CERS6: variants seen among roughly 807,000 people sequenced by gnomAD.
The protein encoded by CERS6 is ceramide synthase 6.
In CERS6, 26 loss-of-function variants were observed where a neutral mutation model predicts 56.8. The ratio of observed to expected loss-of-function variants is 0.46; its 90% CI spans 0.34 to 0.63. The LOEUF is 0.63. Ranked by LOEUF, CERS6 falls within the 30% of genes least tolerant of loss-of-function variation. The probability of loss-of-function intolerance (pLI) is 0.01; values close to 1 mark genes in which losing one functional copy is unlikely to be tolerated. For synonymous variants in CERS6, 164 were observed against 173.3 expected (o/e 0.95, Z 0.42); for missense variants, 415 against 467.5 (o/e 0.89, Z 1.04).
intron 1 of CERS6, among the ~76,000 whole-genome samples, chr2:168,518,306 A>G (rs1438224762): frequency 3.3e-5 from 5 of 152,224 alleles, no homozygotes; most frequent in Non-Finnish European, 1.5e-5. Context: ...CTCTCTTAAC[A>G]GTAGCATAGG....
Position 168,657,223 on chromosome 2 carries a change from T to C in CERS6, c.465+26181T>C, listed in dbSNP as rs539023527. On this transcript the variant is annotated intron_variant, in intron 4 of 9. Transcript: ENST00000305747. ...CTGAGCTAGATATAAAGACTCTCCATGTCCTCACCAGAGCAGCTAATACAG... is the reference window on the plus strand; with the variant it reads ...CTGAGCTAGATATAAAGACTCTCCACGTCCTCACCAGAGCAGCTAATACAG... 5.7e-4 allele frequency among the ~76,000 whole-genome samples: 86 copies of C among 150,052 alleles called. No homozygotes were observed. In the East Asian group the frequency reaches 0.012, roughly 21 times the overall value.
chr2:168,552,891 A>G lies in CERS6; in HGVS notation c.276+5190A>G, dbSNP rs540676461. Among the ~76,000 whole-genome samples the G allele has an allele frequency of 2.4e-4, 37 of 152,206 alleles. 1 individual carries two copies. The highest frequency in any genetic ancestry group is 5.1e-4 in the Non-Finnish European group (35 of 68,032). ...GAAAGTATAGCAACTCCTGTTAACA[A>G]AATTTTCACTAGAATAATGAGGCTA... On this transcript the variant is annotated intron_variant, in intron 2 of 9. Coordinates refer to ENST00000305747, the MANE Select transcript of CERS6 (RefSeq NM_203463.3).
rs990571213 is a variant in CERS6, at chr2:168,525,567, G to T, written c.171-22029G>T. On this transcript the variant is annotated intron_variant, in intron 1 of 9. Coordinates refer to ENST00000305747, the MANE Select transcript of CERS6 (RefSeq NM_203463.3). ...TAATGGGGTAAATAATCCCTTGTCA[G>T]TGATGACGAGGCTTGAGGAAATTTA... Among the ~76,000 whole-genome samples, 2 of 152,242 alleles carry T rather than the reference G, an allele frequency of 1.3e-5. 1 individual carries two copies. Among genetic ancestry groups the T allele is most frequent in the Non-Finnish European group, 2.9e-5 (2 of 68,046 alleles).
chr2:168,721,553 T>TG (rs1553512945), intron 8 of CERS6, among the ~76,000 whole-genome samples: 2 of 116,728 alleles, frequency 1.7e-5, no homozygotes, highest in East Asian at 3.2e-4. Flanking sequence ...TTTTTGTTTT[T>TG]GTTTTTTTTT....
At chr2:168,695,860 C>T (rs972704214) in intron 6 of CERS6, among the ~76,000 whole-genome samples, 7 of 152,120 alleles carry the variant, frequency 4.6e-5, no homozygotes, top group African/African-American at 1.7e-4. Context: ...GTCCATACTT[C>T]CACATCTGTA....
At chr2:168,583,389 A>G (rs920796158) in intron 3 of CERS6, among the ~76,000 whole-genome samples, 1 of 152,136 alleles carries the variant, frequency 6.6e-6, no homozygotes, top group African/African-American at 2.4e-5. Flanking sequence ...AAACAGCCCC[A>G]CTCTGATTTG....
At chr2:168,554,333 A>G (rs1027313370) in intron 2 of CERS6, among the ~76,000 whole-genome samples, 36 of 152,220 alleles carry the variant, frequency 2.4e-4, no homozygotes, top group Admixed American at 6.5e-5. Flanking sequence ...TTCTTCCCCA[A>G]AATGTATACA....
chr2:168,568,943 C>T (rs1162738996), intron 3 of CERS6, among the ~76,000 whole-genome samples: 1 of 152,290 alleles, frequency 6.6e-6, no homozygotes, highest in South Asian at 2.1e-4. Context: ...AAAACAGGAG[C>T]AGTTTTATAC....
At chr2:168,689,204 A>G (rs572965287) in intron 4 of CERS6, among the ~76,000 whole-genome samples, 1 of 152,322 alleles carries the variant, frequency 6.6e-6, no homozygotes, top group African/African-American at 2.4e-5. Flanking sequence ...GTCTATGGTG[A>G]GAGGATAAAC....
chr2:168,571,776 G>A (rs1045943479), intron 3 of CERS6, among the ~76,000 whole-genome samples: 2 of 151,950 alleles, frequency 1.3e-5, no homozygotes, highest in African/African-American at 4.8e-5. Context: ...AGAGTAAATG[G>A]GGTATCCATC....
At chr2:168,654,827 T>C (rs1685430243) in intron 4 of CERS6, among the ~76,000 whole-genome samples, 1 of 152,210 alleles carries the variant, frequency 6.6e-6, no homozygotes, top group Admixed American at 6.5e-5. Flanking sequence ...CAAGGCAATA[T>C]AGTCTTATTG....
At chr2:168,540,254 G>A (rs1695343139) in intron 1 of CERS6, among the ~76,000 whole-genome samples, 1 of 151,772 alleles carries the variant, frequency 6.6e-6, no homozygotes, top group Non-Finnish European at 1.5e-5. Context: ...ATACAATAGT[G>A]GTCCTATAAG....
At chr2:168,649,433 G>A (rs767578348) in intron 4 of CERS6, among the ~76,000 whole-genome samples, 4 of 152,038 alleles carry the variant, frequency 2.6e-5, no homozygotes, top group Admixed American at 6.6e-5. Flanking sequence ...ATTGTATTAC[G>A]TCTTAATGTG....
intron 8 of CERS6, among the ~76,000 whole-genome samples, chr2:168,721,559 TTTTTTTG>T (rs879271919): frequency 0.49 from 66,763 of 135,250 alleles, 13,821 homozygotes; most frequent in Non-Finnish European, 0.53. Context: ...TTTTTGTTTT[TTTTTTTG>T]TTTAAAAAAA....
At chr2:168,583,786 A>G (rs536031856) in intron 3 of CERS6, among the ~76,000 whole-genome samples, 2 of 152,326 alleles carry the variant, frequency 1.3e-5, no homozygotes, top group African/African-American at 2.4e-5. Flanking sequence ...TTTGTCATCC[A>G]TGGATATGGA....
At chr2:168,501,397 G>C (rs1694577865) in intron 1 of CERS6, among the ~76,000 whole-genome samples, 1 of 152,218 alleles carries the variant, frequency 6.6e-6, no homozygotes, top group Admixed American at 6.5e-5. Context: ...ATAGGTTGGA[G>C]GTCGTGATGC....
At position 168,763,784 on chromosome 2, in the gene CERS6, C is replaced by T. The variant is rs1379162926; in HGVS notation, c.846-1808C>T. 7.2e-5 allele frequency among the ~76,000 whole-genome samples: 11 copies of T among 152,286 alleles called. No individual in the cohort carries two copies. In the East Asian group the frequency reaches 1.9e-3, roughly 27 times the overall value. Reference sequence around the variant, plus strand: ...CCCAGCAAAGTGCTGCAGTGGCAGGCGGTAGAAATGCACTTAGGTGAGTTT... The same window carrying T: ...CCCAGCAAAGTGCTGCAGTGGCAGGTGGTAGAAATGCACTTAGGTGAGTTT... On this transcript the variant is annotated intron_variant, in intron 8 of 9. Coordinates refer to ENST00000305747, the MANE Select transcript of CERS6 (RefSeq NM_203463.3).
Position 168,721,646 on chromosome 2 carries a change from T to C in CERS6, c.845+3668T>C, listed in dbSNP as rs149394067. On this transcript the variant is annotated intron_variant, in intron 8 of 9. Transcript: ENST00000305747. The stretch of plus-strand genomic sequence containing the variant: ...AAAAAAAAAAAAAAAACCAACGGGG[T>C]CTTGCTCTGTTGGCCAGGCTGGGCT... 1.3e-3 allele frequency among the ~76,000 whole-genome samples: 179 copies of C among 138,830 alleles called. 2 individuals are homozygous for C. In the East Asian group the frequency reaches 0.035, roughly 27 times the overall value. The allele number at this position is 138,830 out of a possible 152,430, so 91.1% of individuals were successfully genotyped here. A position where few individuals can be genotyped will look rare whatever the true frequency, so the allele number is the denominator to read the frequency against.
At chr2:168,715,632 G>A (rs1687209438) in intron 7 of CERS6, among the ~76,000 whole-genome samples, 1 of 151,970 alleles carries the variant, frequency 6.6e-6, no homozygotes, top group Non-Finnish European at 1.5e-5. Flanking sequence ...GTAAGTATAA[G>A]GAATATCTGT....
Sources: allele counts gnomAD v4.1 joint callset (sites outside exome capture counted in the v4.1 genomes callset), GRCh38; gene constraint gnomAD v4.1.1; transcripts MANE v1.5; gene names NCBI Gene and HGNC (gene_info 2026-07-23, HGNC 2026-07-21).